DOP1B: variants seen among roughly 807,000 people sequenced by gnomAD.
The protein encoded by DOP1B is protein DOP1B.
A neutral mutation model predicts 233.5 loss-of-function variants in DOP1B; 174 were observed. The observed-to-expected ratio is 0.75, with a 90% confidence interval of 0.66 to 0.85. The LOEUF (loss-of-function observed/expected upper bound fraction) is 0.85, where lower values mean the gene tolerates loss of function less well. Among genes scored for constraint, DOP1B ranks in the 40% least tolerant of loss-of-function variants. DOP1B has a pLI of 0.00. For synonymous variants in DOP1B, 1,190 were observed against 1,185.6 expected (o/e 1.00, Z -0.08); for missense variants, 2,652 against 2,846.6 (o/e 0.93, Z 1.56).
chr21:36,232,886 C>A lies in DOP1B; in HGVS notation c.2433C>A (p.Asn811Lys). ...CCCVTDCYLQ[N>K]VAISTLLEVI... ...GTGTGACTGACTGCTACCTCCAGAA[C>A]GTGGCCATTTCCACTCTGCTGGAAG... Residue 811 changes from asparagine to lysine, a missense_variant, in exon 15 of 37, where the codon AAC (asparagine) becomes AAA (lysine). Around this residue, in one of 3 missense-constraint regions of DOP1B, gnomAD observed 2,617 missense variants for 2,794.3 expected, o/e 0.94. Coordinates refer to ENST00000691173, the MANE Select transcript of DOP1B (RefSeq NM_001320714.2). 2 of 1,613,970 alleles carry A rather than the reference C, an allele frequency of 1.2e-6. No homozygotes were observed. Among genetic ancestry groups the A allele is most frequent in the Non-Finnish European group, 1.7e-6 (2 of 1,180,002 alleles).
chr21:36,277,890 C>T, intron 28 of DOP1B, 85 bp from the exon 29 acceptor site: 1 of 1,087,440 alleles, frequency 9.2e-7, no homozygotes. Context: ...GATCCGCCCT[C>T]CTCAGCCTCC....
chr21:36,179,116 G>A (rs1390441242), intron 2 of DOP1B, among the ~76,000 whole-genome samples: 2 of 152,188 alleles, frequency 1.3e-5, no homozygotes, highest in East Asian at 3.8e-4. Context: ...AAGCTACTTC[G>A]AGAGTCATTC....
At chr21:36,273,445 G>A (rs1472453075) in intron 27 of DOP1B, among the ~76,000 whole-genome samples, 2 of 151,876 alleles carry the variant, frequency 1.3e-5, no homozygotes, top group African/African-American at 4.8e-5. Context: ...CTAAAAGAAA[G>A]TAAATTACCA....
At chr21:36,288,546 T>A (rs1280420539) in intron 33 of DOP1B, among the ~76,000 whole-genome samples, 2 of 152,050 alleles carry the variant, frequency 1.3e-5, no homozygotes, top group East Asian at 3.9e-4. Context: ...ATACAAAAAT[T>A]AATTCGGCAT....
In DOP1B at chr21:36,164,696, AT is replaced by A; in HGVS notation, c.-26-9del. 1.3e-6 allele frequency: 2 copies of A among 1,522,024 alleles called. No individual in the cohort carries two copies. Among genetic ancestry groups the A allele is most frequent in the Non-Finnish European group, 1.8e-6 (2 of 1,135,440 alleles). 94.3% of individuals were successfully genotyped at this position (1,522,024 alleles called of 1,614,324 possible). On this transcript the variant is annotated splice_polypyrimidine_tract_variant and intron_variant, in intron 1 of 36. Coordinates refer to ENST00000691173, the MANE Select transcript of DOP1B (RefSeq NM_001320714.2). ...GGCTCTCTCATTTGGTTATTTTTTG[AT>A]TTGCTTTTAGATACTTTTCTGCTGT... is the stretch of plus-strand genomic sequence containing the variant.
At chr21:36,287,992 C>G in intron 32 of DOP1B, 22 bp from the exon 33 acceptor site, 2 of 1,607,356 alleles carry the variant, frequency 1.2e-6, no homozygotes, top group Middle Eastern at 1.7e-4. Context: ...TGTGTAACAT[C>G]TTTACAATCT....
At chr21:36,261,623 G>A (rs2067173047) in intron 24 of DOP1B, 68 of 984,926 alleles carry the variant, frequency 6.9e-5, no homozygotes, top group Non-Finnish European at 7.8e-5. Context: ...TGAGGGTGAG[G>A]TGGCTGGGTG....
intron 4 of DOP1B, among the ~76,000 whole-genome samples, chr21:36,202,730 C>G (rs1028404315): frequency 1.4e-4 from 21 of 152,206 alleles, no homozygotes; most frequent in Non-Finnish European, 1.5e-5. Context: ...TTTACAGTTT[C>G]TACCTTAGGA....
chr21:36,281,738 C>A, intron 32 of DOP1B, 127 bp downstream of exon 32: 1 of 881,488 alleles, frequency 1.1e-6, no homozygotes, highest in Non-Finnish European at 1.6e-6. Context: ...CCAGGGCTGG[C>A]GTCTGGCAAG....
chr21:36,236,782 T>TC (rs1292607919), intron 15 of DOP1B, among the ~76,000 whole-genome samples: 14 of 145,718 alleles, frequency 9.6e-5, no homozygotes, highest in East Asian at 2.0e-4. Context: ...TTTTTCTTTT[T>TC]TTTTTTTTTT....
At chr21:36,263,958 C>T in intron 26 of DOP1B, 144 bp downstream of exon 26, 1 of 863,442 alleles carries the variant, frequency 1.2e-6, no homozygotes, top group Non-Finnish European at 1.8e-6. Flanking sequence ...CTTACTTCTG[C>T]CATCACTGTC....
At position 36,190,740 on chromosome 21, in the gene DOP1B, A is replaced by G. The variant is rs76308104; in HGVS notation, c.139-8330A>G. ...TGTGATATTTATTCTATAGTTGCAG[A>G]AGAATATTTCTCATATGATACGTAT... On this transcript the variant is annotated intron_variant, in intron 2 of 36. Coordinates refer to ENST00000691173, the MANE Select transcript of DOP1B (RefSeq NM_001320714.2). 9.6e-3 allele frequency among the ~76,000 whole-genome samples: 1,466 copies of G among 152,320 alleles called. 22 individuals are homozygous for G. Among genetic ancestry groups the G allele is most frequent in the African/African-American group, 0.032 (1,350 of 41,568 alleles).
At chr21:36,160,257 A>G (rs187474324) in intron 1 of DOP1B, among the ~76,000 whole-genome samples, 21 of 152,260 alleles carry the variant, frequency 1.4e-4, no homozygotes, top group African/African-American at 4.3e-4. Flanking sequence ...AAATGTGTGA[A>G]GGCAGTTATT....
chr21:36,262,735 A>G (rs1281511077), intron 24 of DOP1B, among the ~76,000 whole-genome samples: 1 of 151,912 alleles, frequency 6.6e-6, no homozygotes, highest in Non-Finnish European at 1.5e-5. Flanking sequence ...TCTACTAAAA[A>G]TACAAAAAAT....
intron 12 of DOP1B, among the ~76,000 whole-genome samples, chr21:36,226,646 T>G (rs945748901): frequency 6.6e-6 from 1 of 151,980 alleles, no homozygotes; most frequent in Non-Finnish European, 1.5e-5. Flanking sequence ...CAGGCTGGAG[T>G]GCAGTGGCAT....
At chr21:36,188,694 G>C (rs1409323172) in intron 2 of DOP1B, among the ~76,000 whole-genome samples, 1 of 152,132 alleles carries the variant, frequency 6.6e-6, no homozygotes, top group African/African-American at 2.4e-5. Context: ...GCAACTCCTC[G>C]TTTGCTTGGT....
chr21:36,204,599 T>C (rs1425751122), intron 4 of DOP1B, among the ~76,000 whole-genome samples: 1 of 151,510 alleles, frequency 6.6e-6, no homozygotes, highest in African/African-American at 2.4e-5. Flanking sequence ...TCCTCCGGCC[T>C]CAGCCTTCCA....
intron 2 of DOP1B, among the ~76,000 whole-genome samples, chr21:36,168,559 G>A (rs1197260647): frequency 4.0e-5 from 6 of 149,268 alleles, no homozygotes; most frequent in Non-Finnish European, 5.9e-5. Flanking sequence ...TTTGACACTC[G>A]CTCTGTTGCC....
intron 2 of DOP1B, among the ~76,000 whole-genome samples, chr21:36,184,841 A>C (rs895756885): frequency 6.6e-6 from 1 of 152,156 alleles, no homozygotes; most frequent in African/African-American, 2.4e-5. Context: ...CTCTGCGCCC[A>C]ATCTGCTGTA....
Sources: gnomAD v4.1 joint callset for allele counts (sites outside exome capture counted in the v4.1 genomes callset) on GRCh38, gnomAD v4.1.1 for gene constraint, gnomAD v4.1.1 regional missense constraint, MANE v1.5 for transcripts, NCBI Gene and HGNC (gene_info 2026-07-23, HGNC 2026-07-21) for gene names.